Variants in KIFAP3 observed in about 807,000 individuals in gnomAD.
KIFAP3 encodes the protein kinesin-associated protein 3.
A neutral mutation model predicts 106.5 loss-of-function variants in KIFAP3; 68 were observed. The ratio of observed to expected loss-of-function variants is 0.64; its 90% CI spans 0.53 to 0.78. The LOEUF (loss-of-function observed/expected upper bound fraction) is 0.78, where lower values mean the gene tolerates loss of function less well. Ranked by LOEUF, KIFAP3 falls within the 30% of genes least tolerant of loss-of-function variation. The pLI, the probability that KIFAP3 is intolerant of heterozygous loss-of-function variation, is 0.00. For missense variants in KIFAP3, 780 were observed against 941.8 expected (o/e 0.83, Z 2.25); for synonymous variants, 320 against 311.5 (o/e 1.03, Z -0.29).
rs1044613496 is a variant in KIFAP3 at position 169,982,567 on chromosome 1, T to C, written c.1672+135A>G. 3 of 522,504 alleles carry C rather than the reference T, an allele frequency of 5.7e-6. No homozygotes were observed. In the African/African-American group the frequency reaches 5.9e-5, roughly 10 times the overall value. 32.4% of individuals were successfully genotyped at this position (522,504 alleles called of 1,614,324 possible). A position where few individuals can be genotyped will look rare whatever the true frequency, so the allele number is the denominator to read the frequency against. ...AGAGGTGATCCAGTGACTACCTTTC[T>C]GGGAGAAGAGAGCTGTGAGAAGAAA... On this transcript the variant is annotated intron_variant, in intron 14 of 19. Coordinates refer to ENST00000361580, the MANE Select transcript of KIFAP3 (RefSeq NM_014970.4).
At chr1:169,993,365 C>T (rs1667198235) in intron 10 of KIFAP3, among the ~76,000 whole-genome samples, 1 of 151,590 alleles carries the variant, frequency 6.6e-6, no homozygotes, top group African/African-American at 2.4e-5. Context: ...CCACCTTGGC[C>T]TCCCTAAGTG....
chr1:170,027,568 T>C (rs1020442712), intron 8 of KIFAP3, among the ~76,000 whole-genome samples: 1 of 152,002 alleles, frequency 6.6e-6, no homozygotes, highest in African/African-American at 2.4e-5. Context: ...ATAAACTAGA[T>C]GAAATTAACA....
At chr1:169,980,252 T>C (rs890176062) in intron 15 of KIFAP3, among the ~76,000 whole-genome samples, 2 of 152,148 alleles carry the variant, frequency 1.3e-5, no homozygotes, top group African/African-American at 4.8e-5. Context: ...TGTTATTACA[T>C]ATTTGAAAAG....
intron 16 of KIFAP3, among the ~76,000 whole-genome samples, chr1:169,975,105 A>G (rs983943417): frequency 2.0e-5 from 3 of 152,024 alleles, no homozygotes; most frequent in Non-Finnish European, 4.4e-5. Context: ...TCTATTCTCT[A>G]TTAGAACTTT....
chr1:170,041,955 G>T, intron 3 of KIFAP3: 12 of 938,432 alleles, frequency 1.3e-5, no homozygotes, highest in African/African-American at 1.6e-5. Flanking sequence ...CCTGGTTTTA[G>T]AGTTCTGACT....
Position 170,083,204 on chromosome 1 carries a change from C to T in KIFAP3, n.174+1831G>A, listed in dbSNP as rs1177556915. Among the ~76,000 whole-genome samples, 10 of 152,132 alleles carry T rather than the reference C, an allele frequency of 6.6e-5. No individual in the cohort carries two copies. In the South Asian group the frequency reaches 8.3e-4, roughly 13 times the overall value. On this transcript the variant is annotated intron_variant and non_coding_transcript_variant, in intron 1 of 5. Transcript: ENST00000490550. ...GAAAACATCCTGAGTTAATCAAAGA[C>T]GTGAATCCCAAGCAGGATAAATAAA...
chr1:169,996,724 A>T (rs1235079687), intron 10 of KIFAP3, among the ~76,000 whole-genome samples: 1 of 152,148 alleles, frequency 6.6e-6, no homozygotes, highest in Non-Finnish European at 1.5e-5. Context: ...ATCATTCCTT[A>T]GGGCGAAGTA....
intron 10 of KIFAP3, 135 bp downstream of exon 10, chr1:170,016,327 T>C (rs1174058785): frequency 1.5e-6 from 1 of 655,034 alleles, no homozygotes; most frequent in Non-Finnish European, 2.5e-6. Flanking sequence ...CTCTGCTTAT[T>C]TTTATTATTT....
At position 170,047,620 on chromosome 1, in the gene KIFAP3, C is replaced by CAAA. The variant is rs1165754265; in HGVS notation, c.165-757_165-755dup. Among the ~76,000 whole-genome samples the CAAA allele has an allele frequency of 1.4e-3, 63 of 46,096 alleles. 1 individual carries two copies. The highest frequency in any genetic ancestry group is 9.7e-3 in the South Asian group (11 of 1,138). 30.2% of individuals were successfully genotyped at this position (46,096 alleles called of 152,430 possible). ...TGTGTGACAGGGCGAGGCTCTGTCT[C>CAAA]AAAAAAAAAAAAAAAAAAAAAAAAG... On this transcript the variant is annotated intron_variant, in intron 2 of 19. Coordinates refer to ENST00000361580, the MANE Select transcript of KIFAP3 (RefSeq NM_014970.4).
Position 169,954,039 on chromosome 1 carries a change from C to A in KIFAP3, c.2245G>T (p.Val749Phe). The change falls in exon 19 of 20, where the codon GTT (valine) becomes TTT (phenylalanine). Residue 749 changes from valine (V) to phenylalanine (F), a missense_variant. Val to Phe is a conservative substitution (Grantham distance 50). This residue lies in a region of KIFAP3 where 114 missense variants were observed against 122.3 expected (regional missense o/e 0.93). Coordinates refer to ENST00000361580, the MANE Select transcript of KIFAP3 (RefSeq NM_014970.4). ...FNDYHLQNGD[V>F]VGQHSFPGSL... ...CCAGGAAATGAATGCTGCCCAACAA[C>A]ATCTCCATTTTGAAGGTGGTAATCA... 1 of 1,613,278 alleles carries A rather than the reference C, an allele frequency of 6.2e-7. No individual in the cohort carries two copies. Among genetic ancestry groups the A allele is most frequent in the Non-Finnish European group, 8.5e-7 (1 of 1,179,364 alleles).
intron 3 of KIFAP3, among the ~76,000 whole-genome samples, chr1:170,045,362 G>C (rs577121421): frequency 6.6e-6 from 1 of 152,212 alleles, no homozygotes; most frequent in Admixed American, 6.5e-5. Flanking sequence ...GTATCTGTAG[G>C]CATGGATAAA....
Position 169,954,121 on chromosome 1 carries a change from A to G in KIFAP3, c.2174-11T>C, listed in dbSNP as rs1190853350. On this transcript the variant is annotated splice_polypyrimidine_tract_variant and intron_variant, in intron 18 of 19. Transcript: ENST00000361580. ...AGGCAATTAATCCATCTAGAAAGAA[A>G]AAAAAATGGTAACCAGTAAAACATA... 1.3e-6 allele frequency: 2 copies of G among 1,541,412 alleles called. No individual in the cohort carries two copies. Among genetic ancestry groups the G allele is most frequent in the Admixed American group, 3.3e-5 (2 of 59,804 alleles).
At chr1:169,941,318 T>A (rs1405333171) in intron 19 of KIFAP3, among the ~76,000 whole-genome samples, 1 of 152,186 alleles carries the variant, frequency 6.6e-6, no homozygotes, top group Non-Finnish European at 1.5e-5. Flanking sequence ...CCTCTTGTAT[T>A]GGGGTAACTA....
At chr1:169,969,575 G>T (rs545175670) in intron 17 of KIFAP3, among the ~76,000 whole-genome samples, 1 of 152,054 alleles carries the variant, frequency 6.6e-6, no homozygotes, top group East Asian at 1.9e-4. Context: ...ATCTGCCCAT[G>T]ATCATAATTA....
intron 9 of KIFAP3, among the ~76,000 whole-genome samples, 153 bp from the exon 10 acceptor site, chr1:170,016,777 G>C (rs1442077187): frequency 1.3e-5 from 2 of 152,040 alleles, no homozygotes; most frequent in African/African-American, 4.8e-5. Context: ...AAACTTTCCT[G>C]AAATCAAACT....
chr1:170,061,543 G>C (rs951847096), intron 1 of KIFAP3, among the ~76,000 whole-genome samples: 1 of 152,162 alleles, frequency 6.6e-6, no homozygotes, highest in African/African-American at 2.4e-5. Flanking sequence ...GGAGAAATAG[G>C]AACAGTTTTA....
chr1:169,968,074 C>A (rs1461889068), intron 17 of KIFAP3, among the ~76,000 whole-genome samples: 1 of 151,796 alleles, frequency 6.6e-6, no homozygotes, highest in Non-Finnish European at 1.5e-5. Flanking sequence ...GGTGTCTTGG[C>A]TTTGAGACTT....
chr1:169,926,416 G>A (rs540646970), intron 19 of KIFAP3, among the ~76,000 whole-genome samples: 13 of 152,090 alleles, frequency 8.5e-5, no homozygotes, highest in African/African-American at 3.1e-4. Context: ...TAAAATTAAC[G>A]TGATACTTAT....
upstream of KIFAP3, among the ~76,000 whole-genome samples, chr1:170,075,912 T>A (rs189591693): frequency 6.6e-6 from 1 of 152,362 alleles, no homozygotes; most frequent in Non-Finnish European, 1.5e-5. Context: ...TTGGACTTCC[T>A]ATTTTTTGTT....
Sources: gnomAD v4.1 joint callset for allele counts (sites outside exome capture counted in the v4.1 genomes callset) on GRCh38, gnomAD v4.1.1 for gene constraint, gnomAD v4.1.1 regional missense constraint, MANE v1.5 for transcripts, NCBI Gene and HGNC (gene_info 2026-07-23, HGNC 2026-07-21) for gene names.